Variants in GABBR2 observed in about 807,000 individuals in gnomAD.
GABBR2 encodes G-protein coupled receptor 51.
Under a neutral mutation model 105.6 loss-of-function variants are expected in GABBR2, and 23 were observed. The observed-to-expected ratio is 0.22, with a 90% CI of 0.16 to 0.31. The LOEUF (loss-of-function observed/expected upper bound fraction) is 0.31, where lower values mean the gene tolerates loss of function less well. GABBR2 is among the 10% of genes least tolerant of loss of function. The pLI, the probability that GABBR2 is intolerant of heterozygous loss-of-function variation, is 1.00. For missense variants in GABBR2, 734 were observed against 1,245.5 expected, an observed-to-expected ratio of 0.59 and a Z score of 6.18; for synonymous variants, 478 against 499.7, an observed-to-expected ratio of 0.96 and a Z score of 0.58.
chr9:98,604,751 T>C (rs572379543), intron 1 of GABBR2, among the ~76,000 whole-genome samples: 24 of 152,324 alleles, frequency 1.6e-4, no homozygotes, highest in African/African-American at 5.1e-4. Context: ...ATTTTCCCCT[T>C]GATAGTCATC....
intron 8 of GABBR2, among the ~76,000 whole-genome samples, chr9:98,400,952 G>A (rs913192739): frequency 1.6e-4 from 24 of 152,202 alleles, no homozygotes; most frequent in African/African-American, 5.1e-4. Flanking sequence ...ATGGACCAAC[G>A]ACAATGACTG....
At chr9:98,307,105 TC>T (rs1830563993) in intron 14 of GABBR2, among the ~76,000 whole-genome samples, 1 of 152,158 alleles carries the variant, frequency 6.6e-6, no homozygotes, top group Non-Finnish European at 1.5e-5. Flanking sequence ...GAACTGAGAT[TC>T]TGGGAGCCTT....
intron 1 of GABBR2, among the ~76,000 whole-genome samples, chr9:98,578,525 T>C (rs1265508755): frequency 2.0e-5 from 3 of 151,912 alleles, no homozygotes; most frequent in Admixed American, 2.0e-4. Flanking sequence ...TGTAAGATGG[T>C]GCAGCTGCTG....
At chr9:98,589,359 C>T (rs1008583482) in intron 1 of GABBR2, among the ~76,000 whole-genome samples, 4 of 152,214 alleles carry the variant, frequency 2.6e-5, no homozygotes, top group Admixed American at 6.5e-5. Context: ...AGAACACCAA[C>T]CAACACACCC....
intron 1 of GABBR2, among the ~76,000 whole-genome samples, chr9:98,703,449 C>T (rs879718609): frequency 6.6e-6 from 1 of 152,132 alleles, no homozygotes; most frequent in Non-Finnish European, 1.5e-5. Flanking sequence ...AAGATGTAAA[C>T]CTGAACCTGA....
intron 3 of GABBR2, among the ~76,000 whole-genome samples, chr9:98,528,052 A>T (rs1827994644): frequency 6.6e-6 from 1 of 152,224 alleles, no homozygotes; most frequent in Non-Finnish European, 1.5e-5. Flanking sequence ...ATGTTGTATT[A>T]AATAAAATAT....
chr9:98,674,112 G>T (rs998521577), intron 1 of GABBR2, among the ~76,000 whole-genome samples: 3 of 151,978 alleles, frequency 2.0e-5, no homozygotes, highest in Middle Eastern at 3.2e-3. Flanking sequence ...GGAACAGGGG[G>T]TTTTTATAAA....
At chr9:98,335,745 A>T (rs921662801) in intron 13 of GABBR2, among the ~76,000 whole-genome samples, 1 of 152,200 alleles carries the variant, frequency 6.6e-6, no homozygotes, top group African/African-American at 2.4e-5. Context: ...GTATCAACAT[A>T]TTCATCCAAT....
At chr9:98,403,077 C>G (rs950722956) in intron 8 of GABBR2, among the ~76,000 whole-genome samples, 24 of 151,860 alleles carry the variant, frequency 1.6e-4, no homozygotes, top group African/African-American at 5.3e-4. Context: ...GGGCAGACTG[C>G]GAGGTCAGGA....
chr9:98,513,993 A>C (rs1279555883), intron 3 of GABBR2, among the ~76,000 whole-genome samples: 2 of 152,154 alleles, frequency 1.3e-5, no homozygotes, highest in African/African-American at 4.8e-5. Context: ...AATAGCAAAG[A>C]CTTGGAACCA....
chr9:98,628,938 T>C (rs892427872), intron 1 of GABBR2, among the ~76,000 whole-genome samples: 1 of 152,228 alleles, frequency 6.6e-6, no homozygotes, highest in African/African-American at 2.4e-5. Flanking sequence ...CCACACTGTG[T>C]CCTTTATAGG....
intron 12 of GABBR2, among the ~76,000 whole-genome samples, chr9:98,364,746 A>G (rs1212862326): frequency 2.0e-5 from 3 of 151,998 alleles, no homozygotes; most frequent in Non-Finnish European, 4.4e-5. Flanking sequence ...GATTACAGGC[A>G]TGTGCCACTA....
intron 7 of GABBR2, among the ~76,000 whole-genome samples, chr9:98,434,965 G>A (rs1825875576): frequency 6.6e-6 from 1 of 152,258 alleles, no homozygotes; most frequent in South Asian, 2.1e-4. Flanking sequence ...TCTTAATGTT[G>A]GTGTAACCTC....
chr9:98,708,564 G>T lies in GABBR2; in HGVS notation c.174C>A (p.Ile58=), dbSNP rs1442985606. 2 of 1,562,006 alleles carry T rather than the reference G, an allele frequency of 1.3e-6. No homozygotes were observed. Among genetic ancestry groups the T allele is most frequent in the East Asian group, 4.8e-5 (2 of 41,406 alleles). The change falls in exon 1 of 19, where the codon ATC becomes ATA. Residue 58 remains isoleucine, a synonymous_variant. Coordinates refer to ENST00000259455, the MANE Select transcript of GABBR2 (RefSeq NM_005458.8). ...RPPPSSPPLS[I]MGLMPLTKEV... ...CCTTGGTGAGCGGCATGAGGCCCAT[G>T]ATGGAGAGCGGCGGGCTGCTGGGCG... is the stretch of plus-strand genomic sequence containing the variant.
intron 1 of GABBR2, among the ~76,000 whole-genome samples, chr9:98,620,742 C>G (rs1409316591): frequency 6.6e-6 from 1 of 152,174 alleles, no homozygotes; most frequent in Non-Finnish European, 1.5e-5. Flanking sequence ...TAATTGACGG[C>G]TTGCCCTGGC....
In GABBR2 at chr9:98,496,488, C is replaced by G; in HGVS notation, c.657G>C (p.Leu219=). The G allele has an allele frequency of 6.2e-7, 1 of 1,612,782 alleles. No homozygotes were observed. The highest frequency in any genetic ancestry group is 1.1e-5 in the South Asian group (1 of 91,048). ...CTGAAATCTCAATGTCCTCGCCATA[C>G]AGAACTCCAGTCAGGTCATTCCGCA... ...SEVRNDLTGV[L]YGEDIEISDT... The change falls in exon 4 of 19, where the codon CTG becomes CTC. Residue 219 remains leucine (L), a synonymous_variant. Transcript: ENST00000259455.
intron 1 of GABBR2, among the ~76,000 whole-genome samples, chr9:98,627,466 G>C (rs1829755212): frequency 6.6e-6 from 1 of 152,220 alleles, no homozygotes; most frequent in Non-Finnish European, 1.5e-5. Flanking sequence ...TCCGGCTAAT[G>C]CAGGAATCAT....
At chr9:98,683,912 G>A (rs1358108862) in intron 1 of GABBR2, among the ~76,000 whole-genome samples, 29 of 150,564 alleles carry the variant, frequency 1.9e-4, no homozygotes, top group African/African-American at 6.8e-4. Context: ...GGAGGCTGAG[G>A]CAGGAGAATG....
chr9:98,345,975 A>G (rs1831297054), intron 13 of GABBR2, among the ~76,000 whole-genome samples: 1 of 152,226 alleles, frequency 6.6e-6, no homozygotes, highest in South Asian at 2.1e-4. Flanking sequence ...AACAATATAC[A>G]TACTTTAATT....
Sources: gnomAD v4.1 joint callset for allele counts (sites outside exome capture counted in the v4.1 genomes callset) on GRCh38, gnomAD v4.1.1 for gene constraint, MANE v1.5 for transcripts, NCBI Gene and HGNC (gene_info 2026-07-23, HGNC 2026-07-21) for gene names.